ZNF17: variants seen among roughly 807,000 people sequenced by gnomAD.
The protein encoded by ZNF17 is zinc finger protein 17 (HPF3, KOX 10).
ZNF17 carries 4 observed loss-of-function variants against 7.7 expected under a neutral mutation model. The observed-to-expected ratio is 0.52, with a 90% CI of 0.26 to 1.20. The LOEUF is 1.20. Ranked by LOEUF, ZNF17 falls within the 50% of genes most tolerant of loss-of-function variation. The pLI is 0.14. For missense variants in ZNF17, 738 were observed against 799.5 expected, an observed-to-expected ratio of 0.92 and a Z score of 0.93; for synonymous variants, 249 against 258.8, an observed-to-expected ratio of 0.96 and a Z score of 0.36.
chr19:57,421,634 C>A lies in ZNF17; in HGVS notation c.*153C>A, dbSNP rs1002966800. On this transcript the variant is annotated 3_prime_UTR_variant, in exon 4 of 4. Coordinates refer to ENST00000307658, the MANE Select transcript of ZNF17 (RefSeq NM_001330617.2). ...CCATGTTAAAGTGTATAGTTCAGTA[C>A]TGTTAAGTCATTCACATTGTGCAAT... The A allele has an allele frequency of 1.1e-6, 1 of 871,500 alleles. No individual in the cohort carries two copies. The highest frequency in any genetic ancestry group is 2.7e-5 in the East Asian group (1 of 36,850). 54.0% of individuals were successfully genotyped at this position (871,500 alleles called of 1,614,324 possible). A position where few individuals can be genotyped will look rare whatever the true frequency, so the allele number is the denominator to read the frequency against.
chr19:57,413,346 A>G (rs1248681426), intron 1 of ZNF17: 6 of 452,500 alleles, frequency 1.3e-5, no homozygotes, highest in South Asian at 5.6e-5. Flanking sequence ...TTGCTGATAC[A>G]TAGTGTGTAC....
Position 57,411,249 on chromosome 19 carries a change from C to A in ZNF17, c.-178C>A. 2 of 1,224,518 alleles carry A rather than the reference C, an allele frequency of 1.6e-6. No individual in the cohort carries two copies. Among genetic ancestry groups the A allele is most frequent in the Non-Finnish European group, 1.1e-6 (1 of 893,256 alleles). The allele number at this position is 1,224,518 out of a possible 1,614,324, so 75.9% of individuals were successfully genotyped here. On this transcript the variant is annotated 5_prime_UTR_variant, in exon 1 of 4. Transcript: ENST00000307658. The stretch of plus-strand genomic sequence containing the variant: ...AGACTGAGGTGAAAAAGCGGAAAAA[C>A]GCGAGAAAAGGTTTCCCCGTTGTAC...
Position 57,420,486 on chromosome 19 carries a change from T to C in ZNF17, c.1000T>C (p.Cys334Arg), listed in dbSNP as rs772114454. The C allele has an allele frequency of 6.2e-7, 1 of 1,614,210 alleles. No homozygotes were observed. Among genetic ancestry groups the C allele is most frequent in the Non-Finnish European group, 8.5e-7 (1 of 1,180,040 alleles). ...KIHTGERPYG[C>R]NECGKYFMYS... ...TCATACTGGAGAACGGCCTTATGGA[T>C]GCAATGAATGTGGGAAATACTTTAT... The change falls in exon 4 of 4, where the codon TGC (cysteine) becomes CGC (arginine). Residue 334 changes from cysteine to arginine, a missense_variant. Cys to Arg is a radical substitution (Grantham distance 180). Transcript: ENST00000307658.
Position 57,421,484 on chromosome 19 carries a change from A to T in ZNF17, c.*3A>T. On this transcript the variant is annotated 3_prime_UTR_variant, in exon 4 of 4. Transcript: ENST00000307658. ...ACCAGAAAGTTCACACCAGATAAAGAATGTATATATAAAGCAGATGGGGAA... is the reference window on the plus strand; with the variant it reads ...ACCAGAAAGTTCACACCAGATAAAGTATGTATATATAAAGCAGATGGGGAA... 1 of 1,595,636 alleles carries T rather than the reference A, an allele frequency of 6.3e-7. No homozygotes were observed. Among genetic ancestry groups the T allele is most frequent in the South Asian group, 1.1e-5 (1 of 88,136 alleles).
chr19:57,417,794 C>T (rs926809532), intron 2 of ZNF17, 118 bp from the exon 3 acceptor site: 136 of 1,292,140 alleles, frequency 1.1e-4, no homozygotes, highest in Non-Finnish European at 1.4e-4. Flanking sequence ...TTGCAGTGAG[C>T]CGAGATCACA....
rs767545412 is a variant in ZNF17, at chr19:57,420,601, G to C, written c.1115G>C (p.Ser372Thr). Residue 372 changes from serine to threonine, a missense_variant, in exon 4 of 4, where the codon AGC becomes ACC. Ser to Thr is a moderately conservative substitution (Grantham distance 58). This residue lies in a region of ZNF17 where 616 missense variants were observed against 663.9 expected (regional missense o/e 0.93). Transcript: ENST00000307658. ...GAATGTGGGAAATTCTTTATGGACA[G>C]CTGCACACTCATTATTCACCAGAGA... ...CCECGKFFMD[S>T]CTLIIHQRVH... 5 of 1,613,958 alleles carry C rather than the reference G, an allele frequency of 3.1e-6. No homozygotes were observed. The South Asian group carries it at 5.5e-5, about 18-fold the overall frequency.
chr19:57,412,469 G>C (rs1272198322), intron 1 of ZNF17, among the ~76,000 whole-genome samples: 1 of 146,946 alleles, frequency 6.8e-6, no homozygotes, highest in Admixed American at 6.7e-5. Flanking sequence ...TTTTGAGACA[G>C]AGTCTCGCTC....
rs780215935 is a variant in ZNF17, at chr19:57,413,622, A to G, written c.7A>G (p.Met3Val). The G allele has an allele frequency of 1.3e-6, 2 of 1,536,116 alleles. No individual in the cohort carries two copies. Among genetic ancestry groups the G allele is most frequent in the East Asian group, 2.4e-5 (1 of 40,908 alleles). ...GTTCATAGCAGTGGCAGCAATGCTT[A>G]TGGATGCTGGACAGGTGAGTGGAGA... ML[M>V]DAGQDYMVFE... Residue 3 changes from methionine (M) to valine (V), a missense_variant, in exon 2 of 4, where the codon ATG becomes GTG. Physicochemically the swap from Met to Val is conservative, Grantham distance 21. Around this residue, in one of 3 missense-constraint regions of ZNF17, gnomAD observed 616 missense variants for 663.9 expected, o/e 0.93. Coordinates refer to ENST00000307658, the MANE Select transcript of ZNF17 (RefSeq NM_001330617.2).
chr19:57,418,449 G>T (rs2088825575), intron 3 of ZNF17, among the ~76,000 whole-genome samples: 1 of 152,064 alleles, frequency 6.6e-6, no homozygotes. Flanking sequence ...GCTTATTTCT[G>T]CAGGACTCTC....
At position 57,420,978 on chromosome 19, in the gene ZNF17, A is replaced by G. The variant is rs1486903546; in HGVS notation, c.1492A>G (p.Arg498Gly). ...TCATCAGAGAGTTCACACTGGAGAA[A>G]GACCTTTTGAATGCAGCATTTGTGG... is the stretch of plus-strand genomic sequence containing the variant. ...KSHQRVHTGERPFECSICGKS... is the reference protein window; with the variant it reads ...KSHQRVHTGEGPFECSICGKS... Residue 498 changes from arginine (R) to glycine (G), a missense_variant, in exon 4 of 4, where the codon AGA (arginine) becomes GGA (glycine). Transcript: ENST00000307658. 6.2e-7 allele frequency: 1 copy of G among 1,614,176 alleles called. No individual in the cohort carries two copies.
intron 2 of ZNF17, among the ~76,000 whole-genome samples, chr19:57,414,611 A>C (rs1775208494): frequency 6.6e-6 from 1 of 152,080 alleles, no homozygotes. Context: ...CTGGGATTAC[A>C]GGTATGAGCC....
intron 2 of ZNF17, among the ~76,000 whole-genome samples, chr19:57,414,441 TCTC>T (rs2088799044): frequency 6.6e-6 from 1 of 151,824 alleles, no homozygotes; most frequent in Admixed American, 6.6e-5. Flanking sequence ...TTCAAGCAAT[TCTC>T]CTGCCTCAGC....
At chr19:57,418,161 G>A (rs2123068004) in intron 3 of ZNF17, 123 bp downstream of exon 3, 2 of 1,297,560 alleles carry the variant, frequency 1.5e-6, no homozygotes, top group South Asian at 2.9e-5. Flanking sequence ...CCTGGCATAT[G>A]TGTTGTGGCA....
At position 57,420,021 on chromosome 19, in the gene ZNF17, A is replaced by T; in HGVS notation, c.535A>T (p.Thr179Ser). 6.2e-7 allele frequency: 1 copy of T among 1,614,126 alleles called. No homozygotes were observed. The highest frequency in any genetic ancestry group is 8.5e-7 in the Non-Finnish European group (1 of 1,180,032). ...LHSGWKPHRD[T>S]HGVEAFQSGQ... ...CAGTGGGTGGAAGCCACACAGGGAC[A>T]CTCATGGTGTGGAGGCCTTTCAAAG... is the stretch of plus-strand genomic sequence containing the variant. Residue 179 changes from threonine (T) to serine (S), a missense_variant, in exon 4 of 4, where the codon ACT (threonine) becomes TCT (serine). Physicochemically the swap from Thr to Ser is moderately conservative, Grantham distance 58. Transcript: ENST00000307658.
rs376383093 is a variant in ZNF17 at position 57,420,309 on chromosome 19, C to T, written c.823C>T (p.Pro275Ser). Residue 275 changes from proline (P) to serine (S), a missense_variant, in exon 4 of 4, where the codon CCT becomes TCT. Coordinates refer to ENST00000307658, the MANE Select transcript of ZNF17 (RefSeq NM_001330617.2). ...CCAGAAAATTCACACTGGAGAAAGGCCTTATGAGTGCAGTGAATGTGGGAA... is the reference window on the plus strand; with the variant it reads ...CCAGAAAATTCACACTGGAGAAAGGTCTTATGAGTGCAGTGAATGTGGGAA... ...QHQKIHTGER[P>S]YECSECGKAF... 1.2e-6 allele frequency: 2 copies of T among 1,614,066 alleles called. No homozygotes were observed. Among genetic ancestry groups the T allele is most frequent in the Admixed American group, 1.7e-5 (1 of 60,006 alleles).
intron 2 of ZNF17, 53 bp from the exon 3 acceptor site, chr19:57,417,859 A>T (rs536092730): frequency 6.3e-7 from 1 of 1,585,720 alleles, no homozygotes; most frequent in South Asian, 1.2e-5. Context: ...AAAAAAAAAA[A>T]AAAGAAAGAA....
chr19:57,412,880 T>C (rs2088787218), intron 1 of ZNF17, among the ~76,000 whole-genome samples: 1 of 151,588 alleles, frequency 6.6e-6, no homozygotes, highest in African/African-American at 2.4e-5. Flanking sequence ...TGATTTTTCT[T>C]TTTTCTTTTT....
intron 3 of ZNF17, 45 bp downstream of exon 3, chr19:57,418,083 T>A (rs1248649360): frequency 8.9e-6 from 14 of 1,580,378 alleles, no homozygotes; most frequent in Non-Finnish European, 1.2e-5. Context: ...TGGGCAATGT[T>A]TTTTCACTTT....
chr19:57,419,874 A>G lies in ZNF17; in HGVS notation c.388A>G (p.Ser130Gly), dbSNP rs2088836173. Reference protein sequence around the residue: ...KEHLREKLTRSDEGRPSFVND... With the variant: ...KEHLREKLTRGDEGRPSFVND... Reference sequence around the variant, plus strand: ...GCATCTTAGAGAGAAGCTCACCAGAAGTGATGAAGGGAGGCCTTCGTTTGT... The same window carrying G: ...GCATCTTAGAGAGAAGCTCACCAGAGGTGATGAAGGGAGGCCTTCGTTTGT... The change falls in exon 4 of 4, where the codon AGT becomes GGT. Residue 130 changes from serine (S) to glycine (G), a missense_variant. By Grantham distance (56) the Ser-to-Gly change is moderately conservative. Transcript: ENST00000307658. 6 of 1,614,214 alleles carry G rather than the reference A, an allele frequency of 3.7e-6. No homozygotes were observed. The East Asian group carries it at 1.3e-4, about 36-fold the overall frequency.
Sources: allele counts gnomAD v4.1 joint callset (sites outside exome capture counted in the v4.1 genomes callset), GRCh38; gene constraint gnomAD v4.1.1; regional missense constraint gnomAD v4.1.1; transcripts MANE v1.5; gene names NCBI Gene and HGNC (gene_info 2026-07-23, HGNC 2026-07-21).